SGCZ: variants seen among roughly 807,000 people sequenced by gnomAD.
SGCZ encodes sarcoglycan zeta.
A neutral mutation model predicts 41.3 loss-of-function variants in SGCZ; 40 were observed. That is an observed-to-expected ratio of 0.97 (90% CI 0.75 to 1.26). SGCZ has a LOEUF of 1.26. Among genes scored for constraint, SGCZ ranks in the 50% most tolerant of loss-of-function variants. SGCZ has a pLI of 0.00. For missense variants in SGCZ, 552 were observed against 369.8 expected (o/e 1.49, Z -4.04); for synonymous variants, 206 against 137.5 (o/e 1.50, Z -3.49).
chr8:14,332,663 C>T (rs1217337023), intron 2 of SGCZ: 1 of 151,512 alleles, frequency 6.6e-6, no homozygotes, highest in Non-Finnish European at 1.5e-5. Flanking sequence ...AATAGCCTTA[C>T]ATAAATAAAT....
At chr8:14,645,879 T>C (rs1283381369) in intron 1 of SGCZ, among the ~76,000 whole-genome samples, 1 of 151,836 alleles carries the variant, frequency 6.6e-6, no homozygotes, top group Non-Finnish European at 1.5e-5. Flanking sequence ...TTAAACTAAA[T>C]TGAAGTGTTC....
intron 1 of SGCZ, among the ~76,000 whole-genome samples, chr8:15,222,412 G>GT (rs1177110810): frequency 6.6e-6 from 1 of 151,704 alleles, no homozygotes; most frequent in Non-Finnish European, 1.5e-5. Context: ...GGCACTTCCA[G>GT]TTTTTCTGTC....
intron 1 of SGCZ, among the ~76,000 whole-genome samples, chr8:14,998,703 T>C (rs1563423362): frequency 6.6e-6 from 1 of 152,162 alleles, no homozygotes; most frequent in Non-Finnish European, 1.5e-5. Flanking sequence ...CTTATCAGAG[T>C]TTGGTCCTGT....
At chr8:14,365,776 G>T (rs1295382389) in intron 2 of SGCZ, among the ~76,000 whole-genome samples, 2 of 151,996 alleles carry the variant, frequency 1.3e-5, no homozygotes, top group Admixed American at 6.6e-5. Context: ...CAAAAATTTA[G>T]TCATTTTATT....
chr8:15,046,828 C>T (rs1804322777), intron 1 of SGCZ, among the ~76,000 whole-genome samples: 2 of 151,990 alleles, frequency 1.3e-5, no homozygotes, highest in Admixed American at 1.3e-4. Flanking sequence ...ACATGCTAGC[C>T]TTTCCCCTTT....
chr8:15,131,450 AT>A (rs1807896507), intron 1 of SGCZ, among the ~76,000 whole-genome samples: 1 of 152,198 alleles, frequency 6.6e-6, no homozygotes, highest in East Asian at 1.9e-4. Context: ...CTTTTCCTTT[AT>A]AAATTACCCA....
chr8:14,670,931 G>C (rs915304402), intron 1 of SGCZ, among the ~76,000 whole-genome samples: 3 of 152,206 alleles, frequency 2.0e-5, no homozygotes, highest in Non-Finnish European at 2.9e-5. Flanking sequence ...TGAGTACACA[G>C]GTTGAAGCCA....
chr8:14,952,068 C>G (rs1485943187), intron 1 of SGCZ, among the ~76,000 whole-genome samples: 1 of 151,806 alleles, frequency 6.6e-6, no homozygotes, highest in East Asian at 1.9e-4. Context: ...ATTTTTTTCT[C>G]AACATTAAGA....
At chr8:14,115,297 G>A (rs1163404165) in intron 5 of SGCZ, among the ~76,000 whole-genome samples, 2 of 151,726 alleles carry the variant, frequency 1.3e-5, no homozygotes, top group African/African-American at 2.4e-5. Flanking sequence ...AATCTCTATG[G>A]GTATGCACTT....
chr8:14,538,962 C>G (rs985188966), intron 2 of SGCZ, among the ~76,000 whole-genome samples: 1 of 151,852 alleles, frequency 6.6e-6, no homozygotes, highest in Non-Finnish European at 1.5e-5. Flanking sequence ...TTGGCTGGGC[C>G]AAAGTACCCA....
intron 2 of SGCZ, among the ~76,000 whole-genome samples, chr8:14,348,556 T>A (rs767762183): frequency 1.3e-5 from 2 of 152,138 alleles, no homozygotes; most frequent in Non-Finnish European, 2.9e-5. Flanking sequence ...TGTTCATCAA[T>A]GTATCCATAG....
At chr8:14,554,652 T>A (rs1803974798) in intron 2 of SGCZ, 80 bp downstream of exon 2, 7 of 1,167,420 alleles carry the variant, frequency 6.0e-6, no homozygotes, top group Middle Eastern at 2.4e-4. Flanking sequence ...TGAATAACTT[T>A]TGATTAAAAA....
intron 2 of SGCZ, among the ~76,000 whole-genome samples, chr8:14,520,401 C>A (rs1276996404): frequency 6.6e-6 from 1 of 152,014 alleles, no homozygotes; most frequent in Non-Finnish European, 1.5e-5. Flanking sequence ...TCTGTGGCAA[C>A]TGAAACAGTT....
chr8:14,766,791 T>G (rs1266754021), intron 1 of SGCZ, among the ~76,000 whole-genome samples: 1 of 146,762 alleles, frequency 6.8e-6, no homozygotes, highest in South Asian at 2.2e-4. Flanking sequence ...TTGCCCAGGC[T>G]GGTCTCCATC....
intron 2 of SGCZ, among the ~76,000 whole-genome samples, chr8:14,448,850 T>A (rs1401853814): frequency 6.6e-6 from 1 of 152,190 alleles, no homozygotes; most frequent in African/African-American, 2.4e-5. Context: ...ATTTGATATC[T>A]ACACTGACAT....
chr8:14,490,826 A>G (rs1241879704), intron 2 of SGCZ, among the ~76,000 whole-genome samples: 2 of 152,190 alleles, frequency 1.3e-5, no homozygotes, highest in African/African-American at 4.8e-5. Flanking sequence ...CATTTCAAAA[A>G]AAAAATCATT....
intron 1 of SGCZ, among the ~76,000 whole-genome samples, chr8:15,007,255 C>G (rs1802638085): frequency 6.6e-6 from 1 of 152,072 alleles, no homozygotes; most frequent in African/African-American, 2.4e-5. Flanking sequence ...TAATTTTCAC[C>G]ACCTTACTAT....
chr8:14,380,579 C>T (rs1205869156), intron 2 of SGCZ, among the ~76,000 whole-genome samples: 2 of 152,084 alleles, frequency 1.3e-5, no homozygotes, highest in Non-Finnish European at 2.9e-5. Flanking sequence ...GTAGGCCAGG[C>T]GTGGTGGCTC....
chr8:14,919,279 A>T (rs1024974445), intron 1 of SGCZ, among the ~76,000 whole-genome samples: 3 of 152,040 alleles, frequency 2.0e-5, no homozygotes, highest in African/African-American at 7.2e-5. Flanking sequence ...TCTCTACTAA[A>T]ATACAAAAGA....
Sources: allele counts gnomAD v4.1 joint callset (sites outside exome capture counted in the v4.1 genomes callset), GRCh38; gene constraint gnomAD v4.1.1; transcripts MANE v1.5; gene names NCBI Gene and HGNC (gene_info 2026-07-23, HGNC 2026-07-21).